The following MYOF variants were observed in gnomAD, a reference collection of about 807,000 sequenced individuals.
MYOF encodes the protein myoferlin.
A neutral mutation model predicts 284.2 loss-of-function variants in MYOF; 244 were observed. The ratio of observed to expected loss-of-function variants is 0.86; its 90% CI spans 0.77 to 0.95. The LOEUF (loss-of-function observed/expected upper bound fraction) is 0.95. Among genes scored for constraint, MYOF ranks in the 40% least tolerant of loss-of-function variants. The pLI, the probability that MYOF is intolerant of heterozygous loss-of-function variation, is 0.00. For synonymous variants in MYOF, 904 were observed against 919.7 expected, an observed-to-expected ratio of 0.98 and a Z score of 0.31; for missense variants, 2,496 against 2,560.6, an observed-to-expected ratio of 0.97 and a Z score of 0.54.
chr10:93,347,523 C>CA (rs1328270572), intron 37 of MYOF, 94 bp downstream of exon 37: 1 of 1,157,968 alleles, frequency 8.6e-7, no homozygotes, highest in Non-Finnish European at 1.1e-6. Context: ...CTGCAGTCCG[C>CA]AGTCCGGCCT....
At chr10:93,457,065 G>A in intron 1 of MYOF, 128 bp from the exon 2 acceptor site, 3 of 663,182 alleles carry the variant, frequency 4.5e-6, no homozygotes, top group Non-Finnish European at 5.1e-6. Flanking sequence ...TCATCGCTTA[G>A]GATGGGTGTT....
intron 5 of MYOF, among the ~76,000 whole-genome samples, chr10:93,413,011 TG>T (rs751255321): frequency 9.9e-5 from 15 of 152,126 alleles, no homozygotes; most frequent in Non-Finnish European, 1.6e-4. Flanking sequence ...TGGGCCTAAG[TG>T]GTACTTCCTC....
At chr10:93,436,910 A>G (rs563266106) in intron 3 of MYOF, among the ~76,000 whole-genome samples, 35 of 152,298 alleles carry the variant, frequency 2.3e-4, no homozygotes, top group Non-Finnish European at 4.4e-4. Flanking sequence ...CTATATTTTC[A>G]TGGAAAAGTA....
chr10:93,441,858 C>T (rs994065421), intron 3 of MYOF, among the ~76,000 whole-genome samples: 3 of 151,998 alleles, frequency 2.0e-5, no homozygotes, highest in Admixed American at 1.3e-4. Flanking sequence ...TCACCGTGCC[C>T]GGCCGAGAGT....
At chr10:93,462,844 T>G (rs1453084227) in intron 1 of MYOF, among the ~76,000 whole-genome samples, 1 of 151,736 alleles carries the variant, frequency 6.6e-6, no homozygotes, top group Non-Finnish European at 1.5e-5. Flanking sequence ...AAAAAAAGGT[T>G]AAACCTGCAG....
intron 3 of MYOF, among the ~76,000 whole-genome samples, chr10:93,438,656 G>A (rs530721004): frequency 4.5e-4 from 68 of 152,244 alleles, no homozygotes; most frequent in African/African-American, 1.6e-3. Flanking sequence ...CAATGGCTGT[G>A]GGAGTAAAGT....
At chr10:93,317,632 CAG>C (rs769320757) in intron 49 of MYOF, among the ~76,000 whole-genome samples, 8 of 151,482 alleles carry the variant, frequency 5.3e-5, no homozygotes, top group Non-Finnish European at 1.2e-4. Flanking sequence ...GATTCCGTCT[CAG>C]AAACAAAACA....
intron 49 of MYOF, among the ~76,000 whole-genome samples, chr10:93,317,947 C>T (rs555941359): frequency 2.8e-4 from 42 of 152,270 alleles, no homozygotes; most frequent in Non-Finnish European, 5.1e-4. Flanking sequence ...CTGAGGGGCT[C>T]GGCAGCCCAC....
chr10:93,348,036 G>A (rs1412491295), intron 36 of MYOF, among the ~76,000 whole-genome samples: 1 of 152,188 alleles, frequency 6.6e-6, no homozygotes, highest in Non-Finnish European at 1.5e-5. Context: ...ATTATTTCAT[G>A]AGTAATAGTA....
intron 1 of MYOF, among the ~76,000 whole-genome samples, chr10:93,465,538 C>CTTTTTTTT (rs71031511): frequency 0.024 from 2,669 of 112,008 alleles, 243 homozygotes; most frequent in African/African-American, 0.079. Context: ...TTTTTCTTTT[C>CTTTTTTTT]TTTTTTTTTT....
intron 1 of MYOF, among the ~76,000 whole-genome samples, chr10:93,480,060 C>G (rs1036867390): frequency 8.5e-5 from 13 of 152,248 alleles, no homozygotes; most frequent in Admixed American, 8.5e-4. Flanking sequence ...ATTACATGAT[C>G]GGACTGATCC....
chr10:93,414,995 C>T (rs578251567), intron 5 of MYOF, among the ~76,000 whole-genome samples: 2 of 152,254 alleles, frequency 1.3e-5, no homozygotes, highest in Middle Eastern at 3.4e-3. Flanking sequence ...CCACCCTCCT[C>T]GGCCTCCCAA....
At chr10:93,452,896 T>C (rs1340328257) in intron 2 of MYOF, among the ~76,000 whole-genome samples, 1 of 152,068 alleles carries the variant, frequency 6.6e-6, no homozygotes, top group Non-Finnish European at 1.5e-5. Flanking sequence ...GTCAATGCTA[T>C]AATATACCGA....
rs770502402 is a variant in MYOF at position 93,325,921 on chromosome 10, G to T, written c.5176C>A (p.Arg1726=). Residue 1726 remains arginine, a synonymous_variant, in exon 46 of 54, where the codon CGG becomes AGG. Coordinates refer to ENST00000359263, the MANE Select transcript of MYOF (RefSeq NM_013451.4). ...LHQHLGAPEE[R]LALHILRTQG... ...GTCCTGAGGATGTGAAGAGCAAGCCGCTCTTCAGGGGCCCCGAGGTGCTGG... is the reference window on the plus strand; with the variant it reads ...GTCCTGAGGATGTGAAGAGCAAGCCTCTCTTCAGGGGCCCCGAGGTGCTGG... 6.2e-7 allele frequency: 1 copy of T among 1,613,908 alleles called. No individual in the cohort carries two copies. Among genetic ancestry groups the T allele is most frequent in the Non-Finnish European group, 8.5e-7 (1 of 1,180,008 alleles).
Position 93,320,075 on chromosome 10 carries a change from T to C in MYOF, c.5457-62A>G, listed in dbSNP as rs946979666. 96 of 1,591,848 alleles carry C rather than the reference T, an allele frequency of 6.0e-5. 1 individual carries two copies. Among genetic ancestry groups the C allele is most frequent in the Non-Finnish European group, 7.8e-5 (91 of 1,161,746 alleles). On this transcript the variant is annotated intron_variant, in intron 48 of 53. Transcript: ENST00000359263. ...ATTGACAAGTCATGTAGCCGCAAAA[T>C]TGTGCAGTAATTAGGGGAGCAAAGA...
At chr10:93,342,463 G>C (rs997142301) in intron 38 of MYOF, among the ~76,000 whole-genome samples, 1 of 152,104 alleles carries the variant, frequency 6.6e-6, no homozygotes, top group Non-Finnish European at 1.5e-5. Context: ...TTAGGAGAGC[G>C]AGCTGATTAA....
At chr10:93,377,535 C>T in intron 21 of MYOF, 106 bp from the exon 22 acceptor site, 2 of 809,846 alleles carry the variant, frequency 2.5e-6, no homozygotes, top group Non-Finnish European at 3.9e-6. Flanking sequence ...TTTGTATATT[C>T]AAAAAACAAA....
intron 1 of MYOF, among the ~76,000 whole-genome samples, chr10:93,457,635 A>G (rs2056773763): frequency 6.6e-6 from 1 of 152,228 alleles, no homozygotes; most frequent in South Asian, 2.1e-4. Context: ...AGCAAAGTCC[A>G]AAGAGCAGAG....
rs192187134 is a variant in MYOF at position 93,402,161 on chromosome 10, T to C, written c.990+71A>G. 66 of 1,214,478 alleles carry C rather than the reference T, an allele frequency of 5.4e-5. No homozygotes were observed. The African/African-American group carries it at 7.6e-4, about 14-fold the overall frequency. The allele number at this position is 1,214,478 out of a possible 1,614,324, so 75.2% of individuals were successfully genotyped here. ...CTGTGCTCCATTTCACAATTACCCA[T>C]GCCCACATGCTTAACTCTTGGCCTT... On this transcript the variant is annotated intron_variant, in intron 11 of 53. Coordinates refer to ENST00000359263, the MANE Select transcript of MYOF (RefSeq NM_013451.4).
Sources: allele counts gnomAD v4.1 joint callset (sites outside exome capture counted in the v4.1 genomes callset), GRCh38; gene constraint gnomAD v4.1.1; transcripts MANE v1.5; gene names NCBI Gene and HGNC (gene_info 2026-07-23, HGNC 2026-07-21).